The following CROCC2 variants were observed in gnomAD, a reference collection of about 807,000 sequenced individuals.
CROCC2 encodes the protein ciliary rootlet coiled-coil protein 2.
A neutral mutation model predicts 177.6 loss-of-function variants in CROCC2; 163 were observed. The ratio of observed to expected loss-of-function variants is 0.92; its 90% CI spans 0.81 to 1.05. CROCC2 has a LOEUF of 1.05. Among genes scored for constraint, CROCC2 ranks in the 50% least tolerant of loss-of-function variants. The pLI is 0.00. For missense variants in CROCC2, 1,929 were observed against 1,797.8 expected, an observed-to-expected ratio of 1.07 and a Z score of -1.32; for synonymous variants, 904 against 787.3, an observed-to-expected ratio of 1.15 and a Z score of -2.48.
At chr2:240,957,853 C>T (rs1280124588) in intron 19 of CROCC2, 2 of 460,586 alleles carry the variant, frequency 4.3e-6, no homozygotes, top group Admixed American at 1.3e-4. Context: ...CCATGCCCCT[C>T]CCTCCTCCCG....
intron 28 of CROCC2, among the ~76,000 whole-genome samples, chr2:240,988,332 C>G (rs984500788): frequency 6.6e-6 from 1 of 152,144 alleles, no homozygotes; most frequent in Non-Finnish European, 1.5e-5. Context: ...CTCAGCAGAT[C>G]CTGAGTGCCA....
Position 240,959,245 on chromosome 2 carries a change from CCTCCACTGCTGGGCCCAG to C in CROCC2, c.2944-51_2944-34del. ...CTCCAGGGTCCTGGCCTTACCTCAC[CCTCCACTGCTGGGCCCAG>C]CTCCCTGGTGCCACCGTGGGCTCCC... On this transcript the variant is annotated intron_variant, in intron 19 of 31. Coordinates refer to ENST00000690015, the MANE Select transcript of CROCC2 (RefSeq NM_001351305.2). The C allele has an allele frequency of 4.6e-6, 7 of 1,533,626 alleles. No individual in the cohort carries two copies. In the South Asian group the frequency reaches 8.6e-5, roughly 19 times the overall value.
intron 5 of CROCC2, chr2:240,929,653 G>A (rs747978733): frequency 6.8e-5 from 31 of 455,552 alleles, no homozygotes; most frequent in South Asian, 2.9e-4. Flanking sequence ...TGGCACCTTC[G>A]AAGTGCCAGA....
intron 4 of CROCC2, among the ~76,000 whole-genome samples, chr2:240,923,068 C>A (rs1461314871): frequency 6.6e-6 from 1 of 152,070 alleles, no homozygotes; most frequent in Non-Finnish European, 1.5e-5. Context: ...TCAGACCCCT[C>A]CCCCGCTCCA....
intron 31 of CROCC2, among the ~76,000 whole-genome samples, chr2:240,992,253 C>G (rs2059884729): frequency 6.6e-6 from 1 of 152,208 alleles, no homozygotes. Context: ...CTGTGGGGCA[C>G]CAGCCAGCCC....
At chr2:240,970,967 A>G (rs1348329233) in intron 27 of CROCC2, among the ~76,000 whole-genome samples, 4 of 152,288 alleles carry the variant, frequency 2.6e-5, no homozygotes, top group Middle Eastern at 3.4e-3. Flanking sequence ...GGGTTCATCC[A>G]GGTGCTTCTG....
In CROCC2 at chr2:240,917,793, C is replaced by T. The variant is rs2059330104; in HGVS notation, c.79-933C>T. Among the ~76,000 whole-genome samples the T allele has an allele frequency of 6.6e-6, 1 of 152,208 alleles. No homozygotes were observed. On this transcript the variant is annotated intron_variant, in intron 1 of 31. Coordinates refer to ENST00000690015, the MANE Select transcript of CROCC2 (RefSeq NM_001351305.2). The surrounding 1 kb of genome is among the most constrained non-coding windows in gnomAD (Gnocchi z 4.9). ...GGCAGCAGGCCGGGGACAGCTGTGG[C>T]CTTGCGTATTCCTGCGGGATCCTGC...
rs74000155 is a variant in CROCC2, at chr2:240,935,499, G to A, written c.2080G>A (p.Gly694Arg). 2.8e-3 allele frequency: 3,720 copies of A among 1,344,372 alleles called. 79 individuals carry two copies. The African/African-American group carries it at 0.05, about 18-fold the overall frequency. The allele number at this position is 1,344,372 out of a possible 1,614,324, so 83.3% of individuals were successfully genotyped here. The change falls in exon 14 of 32, where the codon GGA becomes AGA. Residue 694 changes from glycine (G) to arginine (R), a missense_variant. Gly to Arg is a moderately radical substitution (Grantham distance 125). Around this residue, in one of 3 missense-constraint regions of CROCC2, gnomAD observed 1,397 missense variants for 1,239.9 expected, o/e 1.13. Transcript: ENST00000690015. The stretch of plus-strand genomic sequence containing the variant: ...GCGCAGGGGCCTGCAGCAGGCCTGC[G>A]GACGCCTGGAGCAGCGGCAGGAGCA... Reference protein sequence around the residue: ...AERRGLQQACGRLEQRQEQLE... With the variant: ...AERRGLQQACRRLEQRQEQLE...
chr2:240,943,739 C>G (rs76568966), intron 14 of CROCC2, among the ~76,000 whole-genome samples: 1 of 152,050 alleles, frequency 6.6e-6, no homozygotes, highest in Non-Finnish European at 1.5e-5. Context: ...CTCGGCCTCC[C>G]TAAGTGCTGG....
chr2:240,934,294 C>G, intron 11 of CROCC2, 37 bp from the exon 12 acceptor site: 1 of 1,543,038 alleles, frequency 6.5e-7, no homozygotes, highest in Non-Finnish European at 8.7e-7. Flanking sequence ...CACTGCTCAC[C>G]CTGAGCGACC....
At chr2:240,919,942 G>A (rs1351540644) in intron 2 of CROCC2, 41 bp from the exon 3 acceptor site, 2 of 713,348 alleles carry the variant, frequency 2.8e-6, no homozygotes, top group South Asian at 3.0e-5. Flanking sequence ...GTGTGGGTGG[G>A]CCCTGGTCTG....
At position 240,930,281 on chromosome 2, in the gene CROCC2, C is replaced by T; in HGVS notation, c.749+12C>T. On this transcript the variant is annotated intron_variant, in intron 6 of 31. Transcript: ENST00000690015. ...GTAGCCACTGAGAGGTGAGTGCCAGCCGCCCCACCTGGGGCCAGGCACCAG... is the reference window on the plus strand; with the variant it reads ...GTAGCCACTGAGAGGTGAGTGCCAGTCGCCCCACCTGGGGCCAGGCACCAG... 2.0e-6 allele frequency: 1 copy of T among 506,460 alleles called. No homozygotes were observed. The highest frequency in any genetic ancestry group is 3.2e-5 in the South Asian group (1 of 31,094). The allele number at this position is 506,460 out of a possible 1,614,324, so 31.4% of individuals were successfully genotyped here.
chr2:240,912,753 T>C (rs2059296221), intron 1 of CROCC2, among the ~76,000 whole-genome samples: 1 of 152,228 alleles, frequency 6.6e-6, no homozygotes, highest in Admixed American at 6.5e-5. Context: ...GGTGTGGGGC[T>C]GAAAGCACCA....
In CROCC2 at chr2:240,963,773, G is replaced by A. The variant is rs530913069; in HGVS notation, c.3305G>A (p.Ser1102Asn). Residue 1102 changes from serine (S) to asparagine (N), a missense_variant and splice_region_variant, in exon 21 of 32, where the codon AGT (serine) becomes AAT (asparagine). By Grantham distance (46) the Ser-to-Asn change is conservative. This residue lies in a region of CROCC2 where 1,397 missense variants were observed against 1,239.9 expected (regional missense o/e 1.13). Transcript: ENST00000690015. ...TICRAEQEKA[S>N]FKRSKEEKEQ... ...TGCAGGGCCGAACAGGAGAAGGCCAGGTATGGCGGCCACCCAGGAGCAGCT... is the reference window on the plus strand; with the variant it reads ...TGCAGGGCCGAACAGGAGAAGGCCAAGTATGGCGGCCACCCAGGAGCAGCT... 3 of 1,547,660 alleles carry A rather than the reference G, an allele frequency of 1.9e-6. No homozygotes were observed. The Admixed American group carries it at 5.9e-5, about 30-fold the overall frequency.
Position 240,946,230 on chromosome 2 carries a change from AGCT to A in CROCC2, c.2342_2344del (p.Ala781del). On this transcript the variant is annotated inframe_deletion, in exon 15 of 32. Coordinates refer to ENST00000690015, the MANE Select transcript of CROCC2 (RefSeq NM_001351305.2). ...CCTTGGAGAGGCAGGGCCGGCTCGC[AGCT>A]GAAGAGGCAGCTGATCTCAGGTATG... 6.5e-7 allele frequency: 1 copy of A among 1,536,410 alleles called. No individual in the cohort carries two copies. The highest frequency in any genetic ancestry group is 8.8e-7 in the Non-Finnish European group (1 of 1,135,648).
intron 28 of CROCC2, among the ~76,000 whole-genome samples, chr2:240,985,515 T>C (rs111163691): frequency 0.45 from 6,642 of 14,728 alleles, 1,680 homozygotes; most frequent in East Asian, 0.74. Flanking sequence ...GCACTCACTC[T>C]ACACACACAC....
At chr2:240,992,792 G>A (rs1298440409) in intron 31 of CROCC2, among the ~76,000 whole-genome samples, 1 of 152,260 alleles carries the variant, frequency 6.6e-6, no homozygotes, top group Non-Finnish European at 1.5e-5. Flanking sequence ...GTCACTGAGA[G>A]GCAGCGTGTG....
At chr2:240,938,827 G>A (rs183568729) in intron 14 of CROCC2, among the ~76,000 whole-genome samples, 84 of 151,840 alleles carry the variant, frequency 5.5e-4, no homozygotes, top group African/African-American at 1.8e-3. Context: ...ATTATATTAC[G>A]GTTTTAATGT....
chr2:240,932,521 C>T (rs1373785873), intron 8 of CROCC2, 107 bp downstream of exon 8: 1 of 701,708 alleles, frequency 1.4e-6, no homozygotes, highest in Non-Finnish European at 2.7e-6. Context: ...GCCTGCAGGG[C>T]AAGGTGGGGT....
Sources: gnomAD v4.1 joint callset for allele counts (sites outside exome capture counted in the v4.1 genomes callset) on GRCh38, gnomAD v4.1.1 for gene constraint, gnomAD v4.1.1 regional missense constraint, Gnocchi (gnomAD v3.1) non-coding constraint, MANE v1.5 for transcripts, NCBI Gene and HGNC (gene_info 2026-07-23, HGNC 2026-07-21) for gene names.